EDIL3: variants seen among roughly 807,000 people sequenced by gnomAD.
The protein encoded by EDIL3 is EGF-like repeat and discoidin I-like domain-containing protein 3.
Under a neutral mutation model 67.4 loss-of-function variants are expected in EDIL3, and 37 were observed. The ratio of observed to expected loss-of-function variants is 0.55; its 90% CI spans 0.42 to 0.72. The LOEUF (loss-of-function observed/expected upper bound fraction) is 0.72, where lower values mean the gene tolerates loss of function less well. Ranked by LOEUF, EDIL3 falls within the 30% of genes least tolerant of loss-of-function variation. The probability of loss-of-function intolerance (pLI) is 0.00; values close to 1 mark genes in which losing one functional copy is unlikely to be tolerated. For synonymous variants in EDIL3, 195 were observed against 196.3 expected (o/e 0.99, Z 0.05); for missense variants, 527 against 586.3 (o/e 0.90, Z 1.04).
chr5:84,017,454 A>G (rs1745626787), intron 9 of EDIL3, among the ~76,000 whole-genome samples: 1 of 152,214 alleles, frequency 6.6e-6, no homozygotes, highest in South Asian at 2.1e-4. Context: ...TTATGAATTT[A>G]AAAGTATCTT....
intron 1 of EDIL3, among the ~76,000 whole-genome samples, chr5:84,297,542 C>T (rs992173617): frequency 1.3e-5 from 2 of 151,992 alleles, no homozygotes; most frequent in African/African-American, 2.4e-5. Context: ...GTGGGGGTGA[C>T]GAATTCCGGC....
chr5:84,277,860 C>G (rs1218304594), intron 1 of EDIL3, among the ~76,000 whole-genome samples: 1 of 151,914 alleles, frequency 6.6e-6, no homozygotes, highest in Admixed American at 6.6e-5. Context: ...AGTTAATACG[C>G]ATGATAATGT....
At chr5:83,959,671 G>C (rs1580253121) in intron 10 of EDIL3, among the ~76,000 whole-genome samples, 3 of 150,676 alleles carry the variant, frequency 2.0e-5, no homozygotes, top group East Asian at 3.9e-4. Flanking sequence ...TGGAAAACAA[G>C]ACAAAAATAA....
intron 1 of EDIL3, among the ~76,000 whole-genome samples, chr5:84,330,265 G>A (rs1746842510): frequency 6.6e-6 from 1 of 152,112 alleles, no homozygotes; most frequent in African/African-American, 2.4e-5. Flanking sequence ...CTCTGAAACT[G>A]TTCTGTAATG....
chr5:83,975,078 C>CA (rs1744856718), intron 9 of EDIL3, among the ~76,000 whole-genome samples: 1 of 151,768 alleles, frequency 6.6e-6, no homozygotes, highest in Admixed American at 6.6e-5. Flanking sequence ...TGATGAAGCC[C>CA]AAAAAACATA....
chr5:84,241,555 A>AG (rs1744794085), intron 2 of EDIL3, among the ~76,000 whole-genome samples: 1 of 152,142 alleles, frequency 6.6e-6, no homozygotes, highest in Non-Finnish European at 1.5e-5. Flanking sequence ...ATATAATAAA[A>AG]AATAGGGCTC....
At chr5:84,271,188 C>G (rs977517000) in intron 1 of EDIL3, among the ~76,000 whole-genome samples, 1 of 151,952 alleles carries the variant, frequency 6.6e-6, no homozygotes, top group African/African-American at 2.4e-5. Flanking sequence ...TTAGAATGCC[C>G]GTTTAACTAT....
At chr5:84,072,325 A>T (rs1746754245) in intron 6 of EDIL3, among the ~76,000 whole-genome samples, 1 of 152,114 alleles carries the variant, frequency 6.6e-6, no homozygotes, top group African/African-American at 2.4e-5. Context: ...ATTAGTAGCC[A>T]TTAAAAGGAA....
chr5:84,110,498 C>T (rs115296068), intron 5 of EDIL3, among the ~76,000 whole-genome samples: 2,109 of 152,186 alleles, frequency 0.014, 46 homozygotes, highest in African/African-American at 0.047. Flanking sequence ...CTTTTACTAT[C>T]AACAAATGAT....
chr5:83,945,532 A>G (rs181065808), intron 10 of EDIL3, among the ~76,000 whole-genome samples: 1 of 152,044 alleles, frequency 6.6e-6, no homozygotes, highest in African/African-American at 2.4e-5. Flanking sequence ...ATAGTTTTAT[A>G]CCACTTCTTG....
chr5:84,181,624 T>TC (rs1385698127), intron 3 of EDIL3, among the ~76,000 whole-genome samples: 3 of 152,120 alleles, frequency 2.0e-5, no homozygotes, highest in African/African-American at 7.2e-5. Context: ...TCACAGACAT[T>TC]CCCCCCAAAA....
intron 1 of EDIL3, among the ~76,000 whole-genome samples, chr5:84,323,864 T>C (rs1401664697): frequency 6.6e-6 from 1 of 151,800 alleles, no homozygotes; most frequent in African/African-American, 2.4e-5. Context: ...GAAAAAAGTA[T>C]AATAATTATA....
chr5:84,351,411 T>G (rs1358669153), intron 1 of EDIL3, among the ~76,000 whole-genome samples: 1 of 152,150 alleles, frequency 6.6e-6, no homozygotes. Context: ...CCAAGCTGCC[T>G]GTTTTCATCT....
At chr5:84,000,285 C>T (rs1456213965) in intron 9 of EDIL3, among the ~76,000 whole-genome samples, 1 of 152,040 alleles carries the variant, frequency 6.6e-6, no homozygotes, top group African/African-American at 2.4e-5. Flanking sequence ...GTATAAACTA[C>T]TTATATCTTG....
chr5:83,964,934 C>G (rs1744664195), intron 9 of EDIL3, among the ~76,000 whole-genome samples: 1 of 151,964 alleles, frequency 6.6e-6, no homozygotes. Flanking sequence ...CAAATGTTTT[C>G]TTCTGGGTCC....
intron 1 of EDIL3, among the ~76,000 whole-genome samples, chr5:84,364,781 ATGT>A (rs1747692084): frequency 6.6e-6 from 1 of 152,042 alleles, no homozygotes; most frequent in South Asian, 2.1e-4. Context: ...TTAGTTATAA[ATGT>A]TGTTACTTTA....
chr5:84,245,640 T>C (rs564872077), intron 2 of EDIL3, among the ~76,000 whole-genome samples: 1 of 152,160 alleles, frequency 6.6e-6, no homozygotes, highest in East Asian at 1.9e-4. Flanking sequence ...ATTTTTGGCA[T>C]GTTTTACATA....
chr5:84,240,318 C>T (rs1469535873), intron 2 of EDIL3, among the ~76,000 whole-genome samples: 3 of 152,106 alleles, frequency 2.0e-5, no homozygotes, highest in Admixed American at 1.3e-4. Context: ...TGATTACACA[C>T]TTGAATAATA....
intron 3 of EDIL3, among the ~76,000 whole-genome samples, chr5:84,226,864 T>C (rs552501877): frequency 6.6e-6 from 1 of 151,966 alleles, no homozygotes; most frequent in Non-Finnish European, 1.5e-5. Context: ...ATGAGTATTT[T>C]GAAGAAAAAA....
Sources: gnomAD v4.1 joint callset for allele counts (sites outside exome capture counted in the v4.1 genomes callset) on GRCh38, gnomAD v4.1.1 for gene constraint, MANE v1.5 for transcripts, NCBI Gene and HGNC (gene_info 2026-07-23, HGNC 2026-07-21) for gene names.